SLC26A11: variants seen among roughly 807,000 people sequenced by gnomAD.
SLC26A11 encodes the protein solute carrier family 26 member 11, also known as sodium-independent sulfate anion transporter.
In SLC26A11, 58 loss-of-function variants were observed where a neutral mutation model predicts 62.2. That is an observed-to-expected ratio of 0.93 (90% CI 0.76 to 1.16). SLC26A11 has a LOEUF of 1.16. Ranked by LOEUF, SLC26A11 falls within the 50% of genes most tolerant of loss-of-function variation. SLC26A11 has a pLI of 0.00. For missense variants in SLC26A11, 790 were observed against 794.3 expected (o/e 0.99, Z 0.06); for synonymous variants, 411 against 368.9 (o/e 1.11, Z -1.31).
chr17:80,248,613 C>T lies in SLC26A11; in HGVS notation c.1461C>T (p.Ser487=), dbSNP rs777928925. ...EGPVLVLQPA[S]GLSFPAMEAL... ...CGGTTCTGGTCCTGCAGCCGGCCAG[C>T]GGCCTGTCCTTCCCTGCCATGGAGG... Residue 487 remains serine (S), a synonymous_variant, in exon 15 of 18, where the codon AGC becomes AGT. Coordinates refer to ENST00000361193, the MANE Select transcript of SLC26A11 (RefSeq NM_001166347.2). 31 of 1,590,890 alleles carry T rather than the reference C, an allele frequency of 1.9e-5. No individual in the cohort carries two copies. Among genetic ancestry groups the T allele is most frequent in the South Asian group, 8.0e-5 (7 of 87,240 alleles).
rs71389742 is a variant in SLC26A11, at chr17:80,225,289, C to T, written c.514-548C>T. ...TCGTGGTGGGAGGCTCCTACTTTGC[C>T]GAGGATTCCCCAAGCTGGTTTCTTG... On this transcript the variant is annotated intron_variant, in intron 5 of 17. Transcript: ENST00000361193. 7.2e-3 allele frequency among the ~76,000 whole-genome samples: 1,096 copies of T among 152,332 alleles called. 6 individuals carry two copies. Among genetic ancestry groups the T allele is most frequent in the Non-Finnish European group, 0.012 (816 of 68,030 alleles).
chr17:80,248,766 A>G (rs7214131), intron 15 of SLC26A11, 92 bp downstream of exon 15: 1,021,933 of 1,252,178 alleles, frequency 0.82, 418,494 homozygotes, highest in East Asian at 0.98. Flanking sequence ...CCCTGTCCCC[A>G]ACGCTCTCCA....
At position 80,222,952 on chromosome 17, in the gene SLC26A11, G is replaced by A. The variant is rs1184603438; in HGVS notation, c.427+105G>A. ...GCGTGTGTGTGCGTGTTGGGGTGTG[G>A]GTATGTATGTGTGTGTGTGTAGGTG... On this transcript the variant is annotated intron_variant, in intron 4 of 17. Coordinates refer to ENST00000361193, the MANE Select transcript of SLC26A11 (RefSeq NM_001166347.2). This position sits in a 1 kb window ranked among gnomAD's most constrained non-coding sequence, Gnocchi z 4.7. 1 of 1,247,170 alleles carries A rather than the reference G, an allele frequency of 8.0e-7. No homozygotes were observed. Among genetic ancestry groups the A allele is most frequent in the South Asian group, 1.4e-5 (1 of 72,566 alleles). 77.3% of individuals were successfully genotyped at this position (1,247,170 alleles called of 1,614,324 possible). A position where few individuals can be genotyped will look rare whatever the true frequency, so the allele number is the denominator to read the frequency against.
Position 80,246,500 on chromosome 17 carries a change from G to A in SLC26A11, c.1154-9G>A. 13 of 1,609,380 alleles carry A rather than the reference G, an allele frequency of 8.1e-6. No homozygotes were observed. Among genetic ancestry groups the A allele is most frequent in the Non-Finnish European group, 1.1e-5 (13 of 1,179,954 alleles). The stretch of plus-strand genomic sequence containing the variant: ...CTCCCGAGGTCACCTGTGTTCCCGT[G>A]CCCCGCAGGAGTGCTGGTGCTGCTG... On this transcript the variant is annotated splice_polypyrimidine_tract_variant and intron_variant, in intron 12 of 17. Coordinates refer to ENST00000361193, the MANE Select transcript of SLC26A11 (RefSeq NM_001166347.2). This position sits in a 1 kb window ranked among gnomAD's most constrained non-coding sequence, Gnocchi z 4.4.
Position 80,247,055 on chromosome 17 carries a change from C to CT in SLC26A11, c.1294+419dup, listed in dbSNP as rs527441968. 1.4e-3 allele frequency among the ~76,000 whole-genome samples: 205 copies of CT among 145,778 alleles called. 1 individual carries two copies. Among genetic ancestry groups the CT allele is most frequent in the African/African-American group, 4.2e-3 (166 of 39,810 alleles). On this transcript the variant is annotated intron_variant, in intron 13 of 17. Transcript: ENST00000361193. ...GCACCCTGGCTCAGAATGGCAGTTC[C>CT]TTTTTTTTTTTTTATTATTATTTTT...
intron 6 of SLC26A11, 43 bp downstream of exon 6, chr17:80,225,959 C>T (rs1352445176): frequency 1.3e-6 from 2 of 1,548,246 alleles, no homozygotes; most frequent in Admixed American, 1.7e-5. Context: ...GAAGCTCCTT[C>T]TTCCACACCT....
In SLC26A11 at chr17:80,246,782, A is replaced by G. The variant is rs2043011904; in HGVS notation, c.1294+133A>G. ...TGGGAAGTTAGGGCAGTCCCGGAAC[A>G]GAGAAGTGGATGGCCAGGAGATGGC... On this transcript the variant is annotated intron_variant, in intron 13 of 17. Transcript: ENST00000361193. The surrounding 1 kb of genome is among the most constrained non-coding windows in gnomAD (Gnocchi z 4.4). 8.3e-7 allele frequency: 1 copy of G among 1,211,696 alleles called. No homozygotes were observed. The highest frequency in any genetic ancestry group is 1.5e-5 in the African/African-American group (1 of 66,138). The allele number at this position is 1,211,696 out of a possible 1,614,324, so 75.1% of individuals were successfully genotyped here.
chr17:80,228,606 A>C lies in SLC26A11; in HGVS notation c.736+646A>C, dbSNP rs2042479214. ...TTTGGTGGATACCACCGGGCGAGGC[A>C]GTTGCTGGCAACTAGCGAGGAGGGG... On this transcript the variant is annotated intron_variant, in intron 7 of 17. Coordinates refer to ENST00000361193, the MANE Select transcript of SLC26A11 (RefSeq NM_001166347.2). This position sits in a 1 kb window ranked among gnomAD's most constrained non-coding sequence, Gnocchi z 4.1. 6.6e-6 allele frequency among the ~76,000 whole-genome samples: 1 copy of C among 152,252 alleles called. No individual in the cohort carries two copies. The highest frequency in any genetic ancestry group is 2.4e-5 in the African/African-American group (1 of 41,466).
intron 16 of SLC26A11, among the ~76,000 whole-genome samples, chr17:80,250,205 G>T (rs1030688332): frequency 3.3e-5 from 5 of 152,176 alleles, no homozygotes; most frequent in Non-Finnish European, 5.9e-5. Flanking sequence ...GGGGACTAGG[G>T]CGTGTCCCCA....
At position 80,222,090 on chromosome 17, in the gene SLC26A11, A is replaced by C; in HGVS notation, c.234+296A>C. On this transcript the variant is annotated intron_variant, in intron 3 of 17. Coordinates refer to ENST00000361193, the MANE Select transcript of SLC26A11 (RefSeq NM_001166347.2). This position sits in a 1 kb window ranked among gnomAD's most constrained non-coding sequence, Gnocchi z 4.7. ...ACCCCGTCTCCACTAAAAATACAAA[A>C]ATTAGGCTGGGTGCGGTGGCTCAAG... The C allele has an allele frequency of 2.8e-6, 1 of 362,954 alleles. No homozygotes were observed. The highest frequency in any genetic ancestry group is 4.9e-6 in the Non-Finnish European group (1 of 202,916). 22.5% of individuals were successfully genotyped at this position (362,954 alleles called of 1,614,324 possible). A position where few individuals can be genotyped will look rare whatever the true frequency, so the allele number is the denominator to read the frequency against.
chr17:80,226,936 C>T (rs894080289), intron 6 of SLC26A11, among the ~76,000 whole-genome samples: 1 of 152,198 alleles, frequency 6.6e-6, no homozygotes, highest in Non-Finnish European at 1.5e-5. Context: ...TTCCCAGCAG[C>T]TGAACCCAGC....
Position 80,227,904 on chromosome 17 carries a change from C to T in SLC26A11, c.680C>T (p.Pro227Leu). The T allele has an allele frequency of 6.2e-7, 1 of 1,601,526 alleles. No homozygotes were observed. The highest frequency in any genetic ancestry group is 1.1e-5 in the South Asian group (1 of 91,082). The change falls in exon 7 of 18, where the codon CCC becomes CTC. Residue 227 changes from proline (P) to leucine (L), a missense_variant. Transcript: ENST00000361193. ...CGGGACCACGTGCCTCCCGTCCACC[C>T]CGAGATGCCCCCTGGTGTGCGGCTC... ...LMRDHVPPVH[P>L]EMPPGVRLSR...
intron 7 of SLC26A11, among the ~76,000 whole-genome samples, chr17:80,233,601 T>TTTTTTTG (rs2042617278): frequency 7.0e-6 from 1 of 143,326 alleles, no homozygotes; most frequent in Non-Finnish European, 1.6e-5. Context: ...TTTTTTTATT[T>TTTTTTTG]GACAGGATTC....
At chr17:80,249,126 G>A (rs369087730) in intron 15 of SLC26A11, 28 bp from the exon 16 acceptor site, 16 of 1,597,064 alleles carry the variant, frequency 1.0e-5, no homozygotes, top group African/African-American at 2.7e-5. Flanking sequence ...TCTGGGTGGC[G>A]TGACCTGGCT....
intron 2 of SLC26A11, 64 bp from the exon 3 acceptor site, chr17:80,221,484 A>G: frequency 3.3e-6 from 4 of 1,219,090 alleles, no homozygotes; most frequent in Non-Finnish European, 4.5e-6. Context: ...GACCCTGACC[A>G]GTGTTGCCGG....
intron 5 of SLC26A11, among the ~76,000 whole-genome samples, chr17:80,225,041 G>T (rs780895586): frequency 2.0e-5 from 3 of 151,974 alleles, no homozygotes; most frequent in South Asian, 2.1e-4. Context: ...GGTCTCAGGC[G>T]ATGTAAAGAA....
Position 80,228,762 on chromosome 17 carries a change from C to T in SLC26A11, c.736+802C>T, listed in dbSNP as rs1019845197. Among the ~76,000 whole-genome samples the T allele has an allele frequency of 3.9e-5, 6 of 152,326 alleles. No homozygotes were observed. The East Asian group carries it at 1.2e-3, about 29-fold the overall frequency. ...AGGTCCTGGGGAGACAGAACAAATT[C>T]CGGGGAGACCAACAGGCTCTGTTTG... On this transcript the variant is annotated intron_variant, in intron 7 of 17. Coordinates refer to ENST00000361193, the MANE Select transcript of SLC26A11 (RefSeq NM_001166347.2). This position sits in a 1 kb window ranked among gnomAD's most constrained non-coding sequence, Gnocchi z 4.1.
intron 9 of SLC26A11, among the ~76,000 whole-genome samples, chr17:80,239,514 C>T (rs1463830446): frequency 6.6e-5 from 10 of 152,118 alleles, no homozygotes; most frequent in East Asian, 1.9e-4. Context: ...CTCAGCCTCC[C>T]GAGTAGCTGG....
chr17:80,225,868 C>A lies in SLC26A11; in HGVS notation c.545C>A (p.Pro182Gln). The A allele has an allele frequency of 6.2e-7, 1 of 1,613,996 alleles. No homozygotes were observed. ...NLLGLQNIPR[P>Q]FFLQVYHTFL... ...CTGGGACTACAGAACATCCCCAGGC[C>A]GTTCTTCCTGCAGGTGTACCACACC... The change falls in exon 6 of 18, where the codon CCG becomes CAG. Residue 182 changes from proline (P) to glutamine (Q), a missense_variant. Pro to Gln is a moderately conservative substitution (Grantham distance 76, BLOSUM62 -1). Coordinates refer to ENST00000361193, the MANE Select transcript of SLC26A11 (RefSeq NM_001166347.2).
Sources: allele counts gnomAD v4.1 joint callset (sites outside exome capture counted in the v4.1 genomes callset), GRCh38; gene constraint gnomAD v4.1.1; non-coding constraint Gnocchi (gnomAD v3.1); transcripts MANE v1.5; gene names NCBI Gene and HGNC (gene_info 2026-07-23, HGNC 2026-07-21).